RSPH14: variants seen among roughly 807,000 people sequenced by gnomAD.
The protein encoded by RSPH14 is radial spoke head 14 homolog.
Under a neutral mutation model 26.7 loss-of-function variants are expected in RSPH14, and 20 were observed. The ratio of observed to expected loss-of-function variants is 0.75; its 90% CI spans 0.53 to 1.09. The LOEUF is 1.09. RSPH14 is among the 50% of genes least tolerant of loss of function. The probability of loss-of-function intolerance (pLI) is 0.00; values close to 1 mark genes in which losing one functional copy is unlikely to be tolerated. For missense variants in RSPH14, 449 were observed against 457.2 expected, an observed-to-expected ratio of 0.98 and a Z score of 0.16; for synonymous variants, 177 against 189.3, an observed-to-expected ratio of 0.93 and a Z score of 0.53.
At chr22:23,088,608 G>A (rs1051804557) in intron 4 of RSPH14, among the ~76,000 whole-genome samples, 3 of 152,218 alleles carry the variant, frequency 2.0e-5, no homozygotes, top group Admixed American at 6.5e-5. Flanking sequence ...GCAGGTAGGC[G>A]CAGGCAGCCC....
intron 6 of RSPH14, among the ~76,000 whole-genome samples, chr22:23,060,984 T>A (rs928584624): frequency 4.6e-4 from 70 of 152,110 alleles, no homozygotes; most frequent in African/African-American, 1.6e-3. Context: ...GGGGAGCCCC[T>A]GCCACCGTGC....
At chr22:23,098,890 G>A (rs2069205845) in intron 4 of RSPH14, among the ~76,000 whole-genome samples, 1 of 152,260 alleles carries the variant, frequency 6.6e-6, no homozygotes, top group Non-Finnish European at 1.5e-5. Context: ...TGCTGGCACG[G>A]GCTGGCACAG....
At chr22:23,109,157 G>A (rs2069570639) in intron 4 of RSPH14, among the ~76,000 whole-genome samples, 1 of 152,164 alleles carries the variant, frequency 6.6e-6, no homozygotes, top group African/African-American at 2.4e-5. Flanking sequence ...GCACTTCACT[G>A]TCACCCAGAA....
intron 3 of RSPH14, 119 bp downstream of exon 3, chr22:23,138,721 C>A (rs2070526825): frequency 9.9e-6 from 8 of 810,544 alleles, no homozygotes; most frequent in South Asian, 1.8e-5. Context: ...AATAGAAGCC[C>A]CTGCAAAAAC....
the RSPH14 span, chr22:23,159,231 C>T: frequency 1.2e-6 from 2 of 1,601,180 alleles, no homozygotes; most frequent in South Asian, 1.1e-5. Flanking sequence ...AGGCCGAGTA[C>T]TGGTCAGTGT....
At chr22:23,107,293 C>T (rs775138846) in intron 4 of RSPH14, among the ~76,000 whole-genome samples, 1 of 152,202 alleles carries the variant, frequency 6.6e-6, no homozygotes, top group Non-Finnish European at 1.5e-5. Context: ...CCATCTGTCG[C>T]TGGCCTGGGA....
the RSPH14 span, chr22:23,155,891 C>T: frequency 7.3e-7 from 1 of 1,369,356 alleles, no homozygotes; most frequent in Non-Finnish European, 9.9e-7. Context: ...CACCCATGGT[C>T]CCGTAGCCTG....
the RSPH14 span, chr22:23,158,059 C>G: frequency 1.2e-6 from 2 of 1,613,940 alleles, no homozygotes; most frequent in Non-Finnish European, 1.7e-6. Flanking sequence ...TCTGGGCTCT[C>G]TGGCCCCTGC....
intron 4 of RSPH14, among the ~76,000 whole-genome samples, chr22:23,070,985 G>A (rs555269271): frequency 2.6e-4 from 40 of 152,254 alleles, no homozygotes; most frequent in Non-Finnish European, 5.1e-4. Flanking sequence ...GGGAGGATCA[G>A]GGAGGGGCGG....
intron 4 of RSPH14, among the ~76,000 whole-genome samples, chr22:23,097,574 G>A (rs1307133460): frequency 6.6e-6 from 1 of 152,248 alleles, no homozygotes; most frequent in Non-Finnish European, 1.5e-5. Flanking sequence ...AATGACGGAC[G>A]GGCAGGCAGG....
chr22:23,160,902 A>G, the RSPH14 span: 1 of 1,613,852 alleles, frequency 6.2e-7, no homozygotes, highest in African/African-American at 1.3e-5. Context: ...GGCATTCTTC[A>G]GCCGCGTAGC....
intron 4 of RSPH14, 141 bp from the exon 5 acceptor site, chr22:23,064,274 C>T (rs1432951702): frequency 5.5e-6 from 4 of 729,956 alleles, no homozygotes; most frequent in African/African-American, 5.2e-5. Context: ...CACCCCCACA[C>T]ACACGTCCCG....
Position 23,071,995 on chromosome 22 carries a change from A to G in RSPH14, c.422-7862T>C, listed in dbSNP as rs1032870499. ...ACCCCACTGCTGGTTAACTGTGGCT[A>G]TGGTGGAGACCACGGCTTCCTCATC... On this transcript the variant is annotated intron_variant, in intron 4 of 6. Coordinates refer to ENST00000216036, the MANE Select transcript of RSPH14 (RefSeq NM_014433.3). The surrounding 1 kb of genome is among the most constrained non-coding windows in gnomAD (Gnocchi z 4.1). Among the ~76,000 whole-genome samples, 1 of 152,090 alleles carries G rather than the reference A, an allele frequency of 6.6e-6. No homozygotes were observed. The highest frequency in any genetic ancestry group is 1.5e-5 in the Non-Finnish European group (1 of 67,984).
intron 4 of RSPH14, among the ~76,000 whole-genome samples, chr22:23,088,012 G>A (rs537225543): frequency 2.6e-5 from 4 of 152,290 alleles, no homozygotes; most frequent in Admixed American, 1.3e-4. Context: ...GGCTGTTACC[G>A]TCTTTGTTTA....
At position 23,138,878 on chromosome 22, in the gene RSPH14, G is replaced by A. The variant is rs141462523; in HGVS notation, c.264C>T (p.Thr88=). The A allele has an allele frequency of 1.7e-3, 2,632 of 1,552,158 alleles. 5 individuals carry two copies. Among genetic ancestry groups the A allele is most frequent in the Non-Finnish European group, 2.1e-3 (2,438 of 1,147,568 alleles). The change falls in exon 3 of 7, where the codon ACC becomes ACT. Residue 88 remains threonine (T), a synonymous_variant. Coordinates refer to ENST00000216036, the MANE Select transcript of RSPH14 (RefSeq NM_014433.3). Reference sequence around the variant, plus strand: ...GGCTTGCCGTGATGTGGAGCACCTCGGTGGTCTTTATGCGCACCATACTGT... The same window carrying A: ...GGCTTGCCGTGATGTGGAGCACCTCAGTGGTCTTTATGCGCACCATACTGT... ...DSNSMVRIKT[T]EVLHITASHS... is the part of the protein sequence containing the mutation.
chr22:23,121,925 G>GT (rs1268968522), intron 4 of RSPH14, among the ~76,000 whole-genome samples: 6 of 151,882 alleles, frequency 4.0e-5, no homozygotes, highest in African/African-American at 1.5e-4. Flanking sequence ...TAGAGATGAA[G>GT]TTTCACTGTG....
At chr22:23,125,301 C>T (rs1220117551) in intron 4 of RSPH14, among the ~76,000 whole-genome samples, 3 of 152,180 alleles carry the variant, frequency 2.0e-5, no homozygotes, top group South Asian at 2.1e-4. Flanking sequence ...CTGCCCCTCC[C>T]GCTGCCCCCA....
the RSPH14 span, among the ~76,000 whole-genome samples, chr22:23,174,036 C>T: frequency 6.6e-6 from 1 of 151,916 alleles, no homozygotes; most frequent in Non-Finnish European, 1.5e-5. Flanking sequence ...TTGACTGACA[C>T]CTGCATGCTT....
At chr22:23,161,632 T>C in the RSPH14 span, 676,218 of 1,364,976 alleles carry the variant, frequency 0.5, 168,109 homozygotes, top group East Asian at 0.63. Flanking sequence ...GACTGTGGTG[T>C]GGAGACTGGA....
Sources: gnomAD v4.1 joint callset for allele counts (sites outside exome capture counted in the v4.1 genomes callset) on GRCh38, gnomAD v4.1.1 for gene constraint, Gnocchi (gnomAD v3.1) non-coding constraint, MANE v1.5 for transcripts, NCBI Gene and HGNC (gene_info 2026-07-23, HGNC 2026-07-21) for gene names.